The following ACOT12 variants were observed in gnomAD, a reference collection of about 807,000 sequenced individuals.
The protein encoded by ACOT12 is acyl-CoA thioesterase 12, also known as acetyl-coenzyme A thioesterase.
In ACOT12, 51 loss-of-function variants were observed where a neutral mutation model predicts 67.7. The ratio of observed to expected loss-of-function variants is 0.75; its 90% CI spans 0.60 to 0.95. The LOEUF (loss-of-function observed/expected upper bound fraction) is 0.95, where lower values mean the gene tolerates loss of function less well. ACOT12 is among the 40% of genes least tolerant of loss of function. ACOT12 has a pLI of 0.00. For missense variants in ACOT12, 734 were observed against 708.1 expected (o/e 1.04, Z -0.41); for synonymous variants, 251 against 244.6 (o/e 1.03, Z -0.24).
At chr5:81,343,740 G>T in intron 10 of ACOT12, 78 bp downstream of exon 10, 1 of 1,435,804 alleles carries the variant, frequency 7.0e-7, no homozygotes, top group Non-Finnish European at 9.7e-7. Flanking sequence ...GCACAGCCTA[G>T]GCCAGTTAGG....
chr5:81,349,599 T>G (rs1759492701), intron 5 of ACOT12, among the ~76,000 whole-genome samples: 1 of 152,164 alleles, frequency 6.6e-6, no homozygotes, highest in Non-Finnish European at 1.5e-5. Context: ...AGCCCCACCT[T>G]CAGGGTCTCT....
chr5:81,347,705 G>C (rs931073013), intron 6 of ACOT12, 69 bp downstream of exon 6: 2 of 1,530,674 alleles, frequency 1.3e-6, no homozygotes, highest in Non-Finnish European at 1.8e-6. Context: ...CCAAGAACTG[G>C]ATCTCAGTCC....
At chr5:81,360,161 G>T in intron 4 of ACOT12, 123 bp from the exon 5 acceptor site, 2 of 934,332 alleles carry the variant, frequency 2.1e-6, no homozygotes, top group Non-Finnish European at 3.1e-6. Flanking sequence ...GCTTTTATGA[G>T]TGTTTTCACT....
Position 81,332,298 on chromosome 5 carries a change from T to A in ACOT12, c.1391+179A>T, listed in dbSNP as rs73134843. 7.7e-3 allele frequency among the ~76,000 whole-genome samples: 1,175 copies of A among 152,366 alleles called. 13 individuals are homozygous for A. The highest frequency in any genetic ancestry group is 0.027 in the African/African-American group (1,131 of 41,580). ...GCATTGTCCTTTGCAAACAGCTGGC[T>A]CTTAATAGATGACTGTTAATTTTTA... On this transcript the variant is annotated intron_variant, in intron 13 of 14. Transcript: ENST00000307624.
intron 3 of ACOT12, among the ~76,000 whole-genome samples, chr5:81,370,149 C>T (rs140694423): frequency 2.0e-5 from 3 of 152,086 alleles, no homozygotes; most frequent in Non-Finnish European, 2.9e-5. Flanking sequence ...TGGCATGCAC[C>T]TGTAATCCCA....
chr5:81,389,687 C>T (rs1760814796), intron 1 of ACOT12, among the ~76,000 whole-genome samples: 1 of 151,770 alleles, frequency 6.6e-6, no homozygotes, highest in Non-Finnish European at 1.5e-5. Context: ...CCACCATGCC[C>T]AGCTAATTTT....
chr5:81,342,767 A>C lies in ACOT12; in HGVS notation c.1045-12T>G. The C allele has an allele frequency of 6.2e-7, 1 of 1,613,182 alleles. No individual in the cohort carries two copies. The highest frequency in any genetic ancestry group is 1.1e-5 in the South Asian group (1 of 91,054). On this transcript the variant is annotated splice_polypyrimidine_tract_variant and intron_variant, in intron 10 of 14. Coordinates refer to ENST00000307624, the MANE Select transcript of ACOT12 (RefSeq NM_130767.3). ...TCACTCAGGGATGCCTAGAATAGAA[A>C]TATTATATTTTTAAAGCTATGTGTT... is the stretch of plus-strand genomic sequence containing the variant.
chr5:81,383,946 T>G (rs1379445637), intron 2 of ACOT12, among the ~76,000 whole-genome samples: 1 of 151,974 alleles, frequency 6.6e-6, no homozygotes, highest in East Asian at 1.9e-4. Flanking sequence ...AGAAAAATAT[T>G]TTTATAAATT....
intron 2 of ACOT12, among the ~76,000 whole-genome samples, chr5:81,383,241 G>A (rs1335993244): frequency 3.9e-5 from 6 of 151,976 alleles, no homozygotes; most frequent in Admixed American, 3.3e-4. Context: ...ATCAGGGCAT[G>A]GTGGCAGCTG....
chr5:81,323,168 C>T, the ACOT12 span, among the ~76,000 whole-genome samples: 2 of 150,024 alleles, frequency 1.3e-5, no homozygotes. Context: ...ATATAGTTAA[C>T]AAGGCTCAAA....
chr5:81,329,393 G>A (rs1336863473), downstream of ACOT12, among the ~76,000 whole-genome samples: 3 of 152,126 alleles, frequency 2.0e-5, no homozygotes, highest in African/African-American at 7.2e-5. Context: ...GTATGAAATT[G>A]CAGAACAGTC....
chr5:81,372,263 T>C (rs1212092276), intron 2 of ACOT12, among the ~76,000 whole-genome samples: 1 of 152,218 alleles, frequency 6.6e-6, no homozygotes, highest in Non-Finnish European at 1.5e-5. Flanking sequence ...GGGCCCTCAA[T>C]GATGCTAGGT....
At chr5:81,343,637 C>A (rs1347295532) in intron 10 of ACOT12, among the ~76,000 whole-genome samples, 181 bp downstream of exon 10, 2 of 152,238 alleles carry the variant, frequency 1.3e-5, no homozygotes, top group Non-Finnish European at 2.9e-5. Flanking sequence ...CAAGGCTAAA[C>A]TGCCGATTGG....
chr5:81,361,707 C>A (rs1759914617), intron 4 of ACOT12, among the ~76,000 whole-genome samples: 1 of 152,192 alleles, frequency 6.6e-6, no homozygotes. Context: ...CTGAGGCTGG[C>A]CTGTGCTTGC....
At chr5:81,368,039 C>T (rs1270386517) in intron 3 of ACOT12, among the ~76,000 whole-genome samples, 1 of 152,132 alleles carries the variant, frequency 6.6e-6, no homozygotes, top group Non-Finnish European at 1.5e-5. Context: ...TGCCTGTAAT[C>T]CCAGCACTTT....
At chr5:81,316,415 T>C in the ACOT12 span, among the ~76,000 whole-genome samples, 1 of 152,228 alleles carries the variant, frequency 6.6e-6, no homozygotes, top group African/African-American at 2.4e-5. Context: ...TATGTGGTTT[T>C]TTGTGATTGG....
rs758382100 is a variant in ACOT12 at position 81,335,903 on chromosome 5, T to C, written c.1129-2A>G. The C allele has an allele frequency of 3.1e-6, 5 of 1,592,304 alleles. No individual in the cohort carries two copies. The highest frequency in any genetic ancestry group is 4.3e-6 in the Non-Finnish European group (5 of 1,174,092). On this transcript the variant is annotated splice_acceptor_variant, in intron 11 of 14. Coordinates refer to ENST00000307624, the MANE Select transcript of ACOT12 (RefSeq NM_130767.3). LOFTEE classifies it high-confidence loss of function. ...CTCTTCCAGAGTATATATTTTTATC[T>C]AAAAGACAACAAAAAAATTAAATTA...
intron 5 of ACOT12, among the ~76,000 whole-genome samples, chr5:81,348,886 C>T (rs938926394): frequency 6.6e-6 from 1 of 152,220 alleles, no homozygotes; most frequent in East Asian, 1.9e-4. Context: ...TGAATCATAT[C>T]TGCTCCGTTT....
intron 11 of ACOT12, among the ~76,000 whole-genome samples, chr5:81,340,760 A>G (rs531071348): frequency 6.6e-6 from 1 of 152,368 alleles, no homozygotes; most frequent in Non-Finnish European, 1.5e-5. Flanking sequence ...AAAACATATA[A>G]GCTGTAAAAC....
Sources: allele counts gnomAD v4.1 joint callset (sites outside exome capture counted in the v4.1 genomes callset), GRCh38; gene constraint gnomAD v4.1.1; transcripts MANE v1.5; gene names NCBI Gene and HGNC (gene_info 2026-07-23, HGNC 2026-07-21).